COX15: variants seen among roughly 807,000 people sequenced by gnomAD.
COX15 encodes the protein heme A synthase COX15.
Under a neutral mutation model 51.9 loss-of-function variants are expected in COX15, and 51 were observed. The observed-to-expected ratio is 0.98, with a 90% CI of 0.78 to 1.24. The LOEUF is 1.24. Ranked by LOEUF, COX15 falls within the 50% of genes most tolerant of loss-of-function variation. COX15 has a pLI of 0.00. For missense variants in COX15, 420 were observed against 501.1 expected, an observed-to-expected ratio of 0.84 and a Z score of 1.55; for synonymous variants, 188 against 190.5, an observed-to-expected ratio of 0.99 and a Z score of 0.11.
downstream of COX15, chr10:99,709,541 AATATTTTGATT>A: frequency 3.0e-6 from 3 of 983,712 alleles, no homozygotes; most frequent in Non-Finnish European, 3.6e-6. Context: ...ATTAGTCAAT[AATATTTTGATT>A]AATACTATAG....
the COX15 span, chr10:99,704,426 C>G: frequency 6.2e-7 from 1 of 1,611,866 alleles, no homozygotes; most frequent in Non-Finnish European, 8.5e-7. Flanking sequence ...GTTTTTTCCA[C>G]CTACAAATTC....
Position 99,714,224 on chromosome 10 carries a change from G to A in COX15, c.*363C>T. The A allele has an allele frequency of 9.1e-7, 1 of 1,095,388 alleles. No homozygotes were observed. The highest frequency in any genetic ancestry group is 1.1e-6 in the Non-Finnish European group (1 of 894,838). The allele number at this position is 1,095,388 out of a possible 1,614,324, so 67.9% of individuals were successfully genotyped here. A position where few individuals can be genotyped will look rare whatever the true frequency, so the allele number is the denominator to read the frequency against. On this transcript the variant is annotated 3_prime_UTR_variant, in exon 9 of 9. Coordinates refer to ENST00000016171, the MANE Select transcript of COX15 (RefSeq NM_078470.6). ...TAAGATCATAAAGAAATTCTATTTA[G>A]GCAGAATTAAGGACTCAGGAGAACA...
chr10:99,717,418 C>T (rs2036611673), intron 7 of COX15, among the ~76,000 whole-genome samples: 1 of 152,036 alleles, frequency 6.6e-6, no homozygotes, highest in African/African-American at 2.4e-5. Context: ...CCTGTGTTGC[C>T]CAGGCTGGTC....
At chr10:99,698,625 A>G in the COX15 span, 1 of 1,614,120 alleles carries the variant, frequency 6.2e-7, no homozygotes, top group African/African-American at 1.3e-5. Flanking sequence ...GGAGAGGAAC[A>G]GCCAAGTCTT....
the COX15 span, chr10:99,698,995 T>C: frequency 6.6e-6 from 5 of 759,762 alleles, no homozygotes; most frequent in Middle Eastern, 3.7e-4. Context: ...TGAACACTCA[T>C]TTTACAGATG....
At chr10:99,729,827 G>C (rs1015357707) in intron 1 of COX15, 93 bp from the exon 2 acceptor site, 14 of 1,186,370 alleles carry the variant, frequency 1.2e-5, no homozygotes, top group Admixed American at 5.7e-5. Context: ...AAGTACCATA[G>C]CATCCCCACA....
At chr10:99,725,990 A>G (rs896193842) in intron 4 of COX15, among the ~76,000 whole-genome samples, 2 of 151,218 alleles carry the variant, frequency 1.3e-5, no homozygotes, top group African/African-American at 4.9e-5. Context: ...AAATACTCCT[A>G]TGTGTCTTCT....
At chr10:99,698,886 A>G in the COX15 span, 1 of 1,557,016 alleles carries the variant, frequency 6.4e-7, no homozygotes, top group Admixed American at 1.9e-5. Context: ...AACATGGCTT[A>G]TGCTGGCAGC....
In COX15 at chr10:99,711,367, C is replaced by G; in HGVS notation, c.*3220G>C. ...CTAAGGACAACCTGGGTTTGAGGAT[C>G]AGGAGAGGATGGTGTGGGAACCTGC... On this transcript the variant is annotated 3_prime_UTR_variant, in exon 9 of 9. Coordinates refer to ENST00000016171, the MANE Select transcript of COX15 (RefSeq NM_078470.6). 10 of 985,370 alleles carry G rather than the reference C, an allele frequency of 1.0e-5. No homozygotes were observed. Among genetic ancestry groups the G allele is most frequent in the Non-Finnish European group, 1.2e-5 (10 of 829,920 alleles). 61.0% of individuals were successfully genotyped at this position (985,370 alleles called of 1,614,324 possible).
At position 99,713,296 on chromosome 10, in the gene COX15, A is replaced by C. The variant is rs2036457129; in HGVS notation, c.*1291T>G. 6.4e-7 allele frequency: 1 copy of C among 1,559,724 alleles called. No homozygotes were observed. Among genetic ancestry groups the C allele is most frequent in the Non-Finnish European group, 8.8e-7 (1 of 1,142,028 alleles). ...AACTTATACAACTTATTTAATTTAA[A>C]TGAGTATGTTACATTTCTAATCTGT... On this transcript the variant is annotated 3_prime_UTR_variant, in exon 9 of 9. Transcript: ENST00000016171.
chr10:99,696,390 T>C, the COX15 span, among the ~76,000 whole-genome samples: 1 of 152,182 alleles, frequency 6.6e-6, no homozygotes, highest in Non-Finnish European at 1.5e-5. Flanking sequence ...CCTAACATCA[T>C]GGGAAAAGGG....
At chr10:99,718,302 T>C (rs367899702) in intron 7 of COX15, 44 bp downstream of exon 7, 4 of 1,611,634 alleles carry the variant, frequency 2.5e-6, no homozygotes, top group Non-Finnish European at 3.4e-6. Context: ...AAGCCTATGA[T>C]AGGCTCCTGT....
chr10:99,713,646 C>G lies in COX15; in HGVS notation c.*941G>C. ...TTTATACTGTCGATTCCATTCCTCT[C>G]TCTGACCTTGTAATGTTAACAGCCT... On this transcript the variant is annotated 3_prime_UTR_variant, in exon 9 of 9. Coordinates refer to ENST00000016171, the MANE Select transcript of COX15 (RefSeq NM_078470.6). 2.0e-6 allele frequency: 2 copies of G among 1,004,750 alleles called. No homozygotes were observed. The highest frequency in any genetic ancestry group is 2.9e-6 in the Non-Finnish European group (2 of 689,448). 62.2% of individuals were successfully genotyped at this position (1,004,750 alleles called of 1,614,324 possible).
the COX15 span, among the ~76,000 whole-genome samples, chr10:99,695,448 G>A: frequency 6.6e-6 from 1 of 152,008 alleles, no homozygotes; most frequent in Non-Finnish European, 1.5e-5. Flanking sequence ...CTTGAACCCG[G>A]GAGGCGGAGG....
In COX15 at chr10:99,727,506, T is replaced by C; in HGVS notation, c.330A>G (p.Pro110=). The C allele has an allele frequency of 1.9e-6, 3 of 1,613,938 alleles. No individual in the cohort carries two copies. Among genetic ancestry groups the C allele is most frequent in the Middle Eastern group, 1.6e-4 (1 of 6,062 alleles). ...VDWHLIKEMK[P]PTSQEEWEAE... ...CTTCCCATTCCTCTTGGCTTGTAGG[T>C]GGCTTCATCTCCTTTATTAAATGCC... The change falls in exon 3 of 9, where the codon CCA becomes CCG. Residue 110 remains proline (P), a synonymous_variant. Transcript: ENST00000016171.
Position 99,711,629 on chromosome 10 carries a change from T to C in COX15, c.*2958A>G, listed in dbSNP as rs2036390497. The C allele has an allele frequency of 2.1e-5, 21 of 985,022 alleles. No homozygotes were observed. Among genetic ancestry groups the C allele is most frequent in the Non-Finnish European group, 2.5e-5 (21 of 829,714 alleles). 61.0% of individuals were successfully genotyped at this position (985,022 alleles called of 1,614,324 possible). Reference sequence around the variant, plus strand: ...ACCTGGGGAACTTTAAAAATATGCCTTTTACTTCCTCCAGGGATTGTGACT... The same window carrying C: ...ACCTGGGGAACTTTAAAAATATGCCCTTTACTTCCTCCAGGGATTGTGACT... On this transcript the variant is annotated 3_prime_UTR_variant, in exon 9 of 9. Transcript: ENST00000016171.
chr10:99,709,492 G>A (rs2036317100), downstream of COX15: 1 of 984,950 alleles, frequency 1.0e-6, no homozygotes, highest in African/African-American at 1.7e-5. Context: ...AAAAAACTAA[G>A]ACTCAAAACC....
At chr10:99,730,221 G>T (rs1445422167) in intron 1 of COX15, among the ~76,000 whole-genome samples, 1 of 152,166 alleles carries the variant, frequency 6.6e-6, no homozygotes, top group Non-Finnish European at 1.5e-5. Flanking sequence ...CTTAACAACA[G>T]GGGCACATGT....
rs546230280 is a variant in COX15 at position 99,725,908 on chromosome 10, T to C, written c.582+1060A>G. Among the ~76,000 whole-genome samples the C allele has an allele frequency of 1.1e-4, 16 of 152,338 alleles. No homozygotes were observed. The South Asian group carries it at 3.3e-3, about 32-fold the overall frequency. On this transcript the variant is annotated intron_variant, in intron 4 of 8. Transcript: ENST00000016171. The stretch of plus-strand genomic sequence containing the variant: ...TTCTGAGTTAAATTAACCAATTAGC[T>C]TCCTCCTGATTAAATTTTGATGTTT...
Sources: allele counts gnomAD v4.1 joint callset (sites outside exome capture counted in the v4.1 genomes callset), GRCh38; gene constraint gnomAD v4.1.1; transcripts MANE v1.5; gene names NCBI Gene and HGNC (gene_info 2026-07-23, HGNC 2026-07-21).